SIN3A: variants seen among roughly 807,000 people sequenced by gnomAD.
The protein encoded by SIN3A is paired amphipathic helix protein Sin3a.
In SIN3A, 14 loss-of-function variants were observed where a neutral mutation model predicts 146.1. The observed-to-expected ratio is 0.10, with a 90% CI of 0.06 to 0.15. The LOEUF (loss-of-function observed/expected upper bound fraction) is 0.15. Among genes scored for constraint, SIN3A ranks in the 10% least tolerant of loss-of-function variants. The probability of loss-of-function intolerance (pLI) is 1.00; values close to 1 mark genes in which losing one functional copy is unlikely to be tolerated. For missense variants in SIN3A, 1,028 were observed against 1,576.0 expected (o/e 0.65, Z 5.89); for synonymous variants, 572 against 572.0 (o/e 1.00, Z 0.00).
chr15:75,451,718 A>ACCCCG (rs1038763396), upstream of SIN3A: 2 of 146,792 alleles, frequency 1.4e-5, no homozygotes, highest in African/African-American at 2.5e-5. Flanking sequence ...CACTCCCCCG[A>ACCCCG]CCCCGCCCCG....
intron 13 of SIN3A, among the ~76,000 whole-genome samples, chr15:75,395,695 T>TA (rs2073288861): frequency 6.6e-6 from 1 of 151,962 alleles, no homozygotes; most frequent in Non-Finnish European, 1.5e-5. Flanking sequence ...GCCCAGGAGT[T>TA]AGAGGCCAGC....
chr15:75,418,731 T>C (rs963266276), intron 3 of SIN3A, among the ~76,000 whole-genome samples: 2 of 152,006 alleles, frequency 1.3e-5, no homozygotes, highest in Non-Finnish European at 2.9e-5. Flanking sequence ...GCAGCACTAA[T>C]GGATTGAGAC....
chr15:75,429,025 G>C (rs1367521088), intron 2 of SIN3A, among the ~76,000 whole-genome samples: 1 of 152,090 alleles, frequency 6.6e-6, no homozygotes, highest in Non-Finnish European at 1.5e-5. Flanking sequence ...TAAGAATATA[G>C]TATATGACAA....
At chr15:75,454,243 CAAG>C (rs991961448), upstream of SIN3A, among the ~76,000 whole-genome samples, 29 of 152,120 alleles carry the variant, frequency 1.9e-4, no homozygotes, top group Non-Finnish European at 3.5e-4. Flanking sequence ...AATCCACATC[CAAG>C]AAGGAGAAAA....
At chr15:75,372,720 C>A (rs564486822) in intron 20 of SIN3A, among the ~76,000 whole-genome samples, 12 of 149,642 alleles carry the variant, frequency 8.0e-5, no homozygotes, top group Non-Finnish European at 1.6e-4. Flanking sequence ...ACTTGGTAGG[C>A]TGAAGTGGGA....
Position 75,412,856 on chromosome 15 carries a change from T to C in SIN3A, c.663A>G (p.Gln221=). The C allele has an allele frequency of 1.9e-6, 3 of 1,612,970 alleles. No individual in the cohort carries two copies. In the South Asian group the frequency reaches 3.3e-5, roughly 18 times the overall value. Residue 221 remains glutamine (Q), a synonymous_variant, in exon 5 of 21, where the codon CAA becomes CAG. Transcript: ENST00000394947. Reference sequence around the variant, plus strand: ...GCTGGGAAGGATGTTGGGGTGGTGGTTGAGGCTGTGGCTGGATGCCATGGG... The same window carrying C: ...GCTGGGAAGGATGTTGGGGTGGTGGCTGAGGCTGTGGCTGGATGCCATGGG... The part of the protein sequence containing the change: ...IPTHGIQPQP[Q]PPPQHPSQPS...
chr15:75,442,142 AAAAAAAAAAAAC>A, intron 1 of SIN3A, among the ~76,000 whole-genome samples: 1 of 149,280 alleles, frequency 6.7e-6, no homozygotes, highest in Admixed American at 6.7e-5. Context: ...AAAAAAAAAA[AAAAAAAAAAAAC>A]TGATTTTTTT....
chr15:75,422,965 C>T, intron 2 of SIN3A, 142 bp from the exon 3 acceptor site: 1 of 763,870 alleles, frequency 1.3e-6, no homozygotes, highest in Non-Finnish European at 2.1e-6. Flanking sequence ...ACACCTATCT[C>T]ACCTACATAG....
intron 20 of SIN3A, 124 bp from the exon 21 acceptor site, chr15:75,372,333 ACT>A (rs2072767598): frequency 1.9e-6 from 1 of 521,300 alleles, no homozygotes; most frequent in African/African-American, 2.0e-5. Flanking sequence ...CTTAGATACC[ACT>A]GTTTTTTTCT....
chr15:75,389,862 GA>G, intron 15 of SIN3A, 41 bp from the exon 16 acceptor site: 1 of 1,599,522 alleles, frequency 6.3e-7, no homozygotes, highest in Non-Finnish European at 8.5e-7. Context: ...ACCTTGCTAA[GA>G]AAAGACTAGG....
chr15:75,436,397 G>A (rs1285444822), intron 1 of SIN3A: 1 of 152,146 alleles, frequency 6.6e-6, no homozygotes, highest in Non-Finnish European at 1.5e-5. Context: ...TGTGAGTCCA[G>A]GAGACAGAGG....
intron 20 of SIN3A, 142 bp from the exon 21 acceptor site, chr15:75,372,351 G>T: frequency 7.0e-6 from 3 of 429,514 alleles, no homozygotes; most frequent in East Asian, 3.7e-5. Context: ...TTTCTTAAAA[G>T]AAAAAAAAAA....
intron 12 of SIN3A, among the ~76,000 whole-genome samples, chr15:75,397,518 C>T (rs950382885): frequency 9.9e-5 from 15 of 152,168 alleles, no homozygotes; most frequent in Admixed American, 9.8e-4. Flanking sequence ...AATCCCTTGG[C>T]CTGAATCCCC....
At chr15:75,393,401 G>T (rs1487030525) in intron 14 of SIN3A, among the ~76,000 whole-genome samples, 1 of 152,018 alleles carries the variant, frequency 6.6e-6, no homozygotes, top group Non-Finnish European at 1.5e-5. Flanking sequence ...TTTTTTGGCA[G>T]GGTCTTGCTC....
intron 1 of SIN3A, among the ~76,000 whole-genome samples, chr15:75,434,056 A>C (rs891902930): frequency 2.0e-5 from 3 of 152,202 alleles, no homozygotes; most frequent in African/African-American, 7.2e-5. Flanking sequence ...AAATCCAGGA[A>C]ATCTGTCTCC....
chr15:75,430,041 T>C, intron 2 of SIN3A, 146 bp downstream of exon 2: 1 of 640,994 alleles, frequency 1.6e-6, no homozygotes, highest in Non-Finnish European at 2.7e-6. Flanking sequence ...AAAACTTGTA[T>C]GGTGAGTACA....
intron 12 of SIN3A, among the ~76,000 whole-genome samples, chr15:75,397,517 G>A (rs2141442858): frequency 6.6e-6 from 1 of 152,182 alleles, no homozygotes; most frequent in East Asian, 1.9e-4. Flanking sequence ...CAATCCCTTG[G>A]CCTGAATCCC....
intron 1 of SIN3A, among the ~76,000 whole-genome samples, chr15:75,434,516 T>C (rs2074068598): frequency 6.6e-6 from 1 of 151,540 alleles, no homozygotes; most frequent in Non-Finnish European, 1.5e-5. Context: ...CGGGTGTGGT[T>C]GTGGGCGCCT....
At chr15:75,396,195 TA>T in intron 13 of SIN3A, 62 bp downstream of exon 13, 1 of 1,160,196 alleles carries the variant, frequency 8.6e-7, no homozygotes, top group Non-Finnish European at 1.3e-6. Context: ...GAGCCTTATT[TA>T]ATGAGACACT....
Sources: gnomAD v4.1 joint callset for allele counts (sites outside exome capture counted in the v4.1 genomes callset) on GRCh38, gnomAD v4.1.1 for gene constraint, MANE v1.5 for transcripts, NCBI Gene and HGNC (gene_info 2026-07-23, HGNC 2026-07-21) for gene names.